Variants in TCF20 observed in about 807,000 individuals in gnomAD.
TCF20 encodes SPRE-binding protein.
In TCF20, 3 loss-of-function variants were observed where a neutral mutation model predicts 148.6. That is an observed-to-expected ratio of 0.02 (90% CI 0.01 to 0.05). TCF20 has a LOEUF of 0.05. TCF20 is among the 10% of genes least tolerant of loss of function. TCF20 has a pLI of 1.00. For missense variants in TCF20, 2,350 were observed against 2,429.3 expected (o/e 0.97, Z 0.69); for synonymous variants, 1,049 against 909.5 (o/e 1.15, Z -2.76).
chr22:42,166,053 C>G (rs1283450273), intron 5 of TCF20, among the ~76,000 whole-genome samples: 3 of 152,208 alleles, frequency 2.0e-5, no homozygotes, highest in African/African-American at 4.8e-5. Flanking sequence ...CCCCAGTCAC[C>G]AGGGCTTCTA....
At chr22:42,219,782 G>A (rs1569159583) in intron 1 of TCF20, among the ~76,000 whole-genome samples, 2 of 152,076 alleles carry the variant, frequency 1.3e-5, no homozygotes, top group East Asian at 1.9e-4. Flanking sequence ...CCTGAGCCTC[G>A]GAGGCAGAGG....
intron 1 of TCF20, among the ~76,000 whole-genome samples, chr22:42,332,827 T>C (rs1036439546): frequency 2.0e-5 from 3 of 152,210 alleles, no homozygotes; most frequent in Non-Finnish European, 4.4e-5. Context: ...AAAGGGACCA[T>C]GCTGTGCGGC....
At chr22:42,254,503 A>T (rs577453103) in intron 1 of TCF20, among the ~76,000 whole-genome samples, 1 of 152,324 alleles carries the variant, frequency 6.6e-6, no homozygotes, top group African/African-American at 2.4e-5. Context: ...AGCCCTTGTA[A>T]CAGTGTTTTG....
intron 1 of TCF20, chr22:42,215,589 G>A (rs924038912): frequency 3.0e-4 from 131 of 442,708 alleles, no homozygotes; most frequent in Non-Finnish European, 2.9e-4. Context: ...TCTTGCCTCA[G>A]CCTCCCGAGT....
intron 1 of TCF20, among the ~76,000 whole-genome samples, chr22:42,323,919 GGAGGTTA>G: frequency 8.5e-6 from 1 of 118,320 alleles, no homozygotes; most frequent in Admixed American, 8.3e-5. Context: ...TGGTGGTGAT[GGAGGTTA>G]TGGTGGTGGT....
Position 42,210,819 on chromosome 22 carries a change from T to C in TCF20, c.4487A>G (p.Asn1496Ser). 1 of 1,614,202 alleles carries C rather than the reference T, an allele frequency of 6.2e-7. No homozygotes were observed. Among genetic ancestry groups the C allele is most frequent in the South Asian group, 1.1e-5 (1 of 91,088 alleles). The change falls in exon 2 of 6, where the codon AAT becomes AGT. Residue 1496 changes from asparagine to serine, a missense_variant. Physicochemically the swap from Asn to Ser is conservative, Grantham distance 46. This residue lies in a region of TCF20 where 231 missense variants were observed against 213.7 expected (regional missense o/e 1.08). Coordinates refer to ENST00000677622, the MANE Select transcript of TCF20 (RefSeq NM_001378418.1). This position sits in a 1 kb window ranked among gnomAD's most constrained non-coding sequence, Gnocchi z 4.7. ...GGCCAATATGCCCACTGGAGGTACA[T>C]TCTTTGAGTCTGGAAAGATTAAAGG... is the stretch of plus-strand genomic sequence containing the variant. Reference protein sequence around the residue: ...TAPLIFPDSKNVPPVGILAPE... With the variant: ...TAPLIFPDSKSVPPVGILAPE...
chr22:42,234,490 GAACAC>G (rs1923701996), intron 1 of TCF20, among the ~76,000 whole-genome samples: 1 of 152,238 alleles, frequency 6.6e-6, no homozygotes, highest in South Asian at 2.1e-4. Flanking sequence ...CCTGTGAAAT[GAACAC>G]AGGAGTTAGG....
upstream of TCF20, among the ~76,000 whole-genome samples, chr22:42,270,759 G>A (rs1349179459): frequency 6.9e-6 from 1 of 144,256 alleles, no homozygotes; most frequent in South Asian, 2.1e-4. Context: ...GGGGCGGGGC[G>A]CTGGGGGCGG....
intron 1 of TCF20, among the ~76,000 whole-genome samples, chr22:42,216,267 G>A (rs549060785): frequency 5.3e-5 from 8 of 151,878 alleles, no homozygotes; most frequent in Admixed American, 4.6e-4. Context: ...CTGCTTTCAT[G>A]TATTAGGGTG....
intron 1 of TCF20, among the ~76,000 whole-genome samples, chr22:42,324,175 A>ATGGAGGTTATGGTGGTGGTGG (rs1360436271): frequency 2.9e-5 from 2 of 69,710 alleles, no homozygotes; most frequent in African/African-American, 1.2e-4. Context: ...GGTGGTGGTG[A>ATGGAGGTTATGGTGGTGGTGG]TGGAGGTTAT....
At chr22:42,266,104 C>T (rs529893369) in intron 1 of TCF20, among the ~76,000 whole-genome samples, 2 of 151,188 alleles carry the variant, frequency 1.3e-5, no homozygotes, top group African/African-American at 4.8e-5. Flanking sequence ...AAAAGAGGGG[C>T]ACAGCAGGAA....
At chr22:42,319,660 G>A (rs1208792474) in intron 1 of TCF20, among the ~76,000 whole-genome samples, 1 of 152,196 alleles carries the variant, frequency 6.6e-6, no homozygotes, top group African/African-American at 2.4e-5. Context: ...AACCCCCGAT[G>A]AGTATCAGGA....
chr22:42,255,653 A>C (rs187354928), intron 1 of TCF20, among the ~76,000 whole-genome samples: 249 of 152,272 alleles, frequency 1.6e-3, no homozygotes, highest in African/African-American at 5.5e-3. Flanking sequence ...CCAATTGCTA[A>C]ATTTTACAGA....
chr22:42,193,288 CTT>C (rs540026059), intron 2 of TCF20, among the ~76,000 whole-genome samples: 31 of 141,832 alleles, frequency 2.2e-4, no homozygotes, highest in Non-Finnish European at 2.3e-4. Context: ...TCCACCTACA[CTT>C]TTTTTTTTTT....
At chr22:42,273,176 A>G (rs1926684143), upstream of TCF20, among the ~76,000 whole-genome samples, 1 of 151,852 alleles carries the variant, frequency 6.6e-6, no homozygotes, top group African/African-American at 2.4e-5. Flanking sequence ...CCTGACCAAC[A>G]TGGTGAAACC....
chr22:42,243,055 G>A (rs776424922), intron 1 of TCF20, among the ~76,000 whole-genome samples: 3 of 151,888 alleles, frequency 2.0e-5, no homozygotes, highest in Non-Finnish European at 4.4e-5. Flanking sequence ...GAGGGGGAAG[G>A]ATGAATACGG....
At position 42,214,427 on chromosome 22, in the gene TCF20, C is replaced by A. The variant is rs535811120; in HGVS notation, c.879G>T (p.Gln293His). 1 of 1,614,024 alleles carries A rather than the reference C, an allele frequency of 6.2e-7. No individual in the cohort carries two copies. The highest frequency in any genetic ancestry group is 8.5e-7 in the Non-Finnish European group (1 of 1,180,030). Reference protein sequence around the residue: ...AYGTQSNYSYQPQSMKNFEQA... With the variant: ...AYGTQSNYSYHPQSMKNFEQA... ...GTTCAAAATTCTTCATAGATTGAGG[C>A]TGATAGCTGTAATTGGATTGTGTTC... The change falls in exon 2 of 6, where the codon CAG becomes CAT. Residue 293 changes from glutamine (Q) to histidine (H), a missense_variant. Gln to His is a conservative substitution (Grantham distance 24). Coordinates refer to ENST00000677622, the MANE Select transcript of TCF20 (RefSeq NM_001378418.1).
intron 1 of TCF20, among the ~76,000 whole-genome samples, chr22:42,251,520 T>G (rs201110961): frequency 0.013 from 1,549 of 115,500 alleles, 7 homozygotes; most frequent in East Asian, 0.019. Context: ...TTTTTTTTTT[T>G]GAGACAGAAT....
At chr22:42,336,799 C>T (rs967310315) in intron 1 of TCF20, among the ~76,000 whole-genome samples, 2 of 152,154 alleles carry the variant, frequency 1.3e-5, no homozygotes, top group African/African-American at 2.4e-5. Context: ...ACCTCCCTCA[C>T]GACTGGTACT....
Sources: gnomAD v4.1 joint callset for allele counts (sites outside exome capture counted in the v4.1 genomes callset) on GRCh38, gnomAD v4.1.1 for gene constraint, gnomAD v4.1.1 regional missense constraint, Gnocchi (gnomAD v3.1) non-coding constraint, MANE v1.5 for transcripts, NCBI Gene and HGNC (gene_info 2026-07-23, HGNC 2026-07-21) for gene names.